TRMT9B: variants seen among roughly 807,000 people sequenced by gnomAD.
TRMT9B encodes the protein probable tRNA methyltransferase 9B.
Under a neutral mutation model 11.5 loss-of-function variants are expected in TRMT9B, and 16 were observed. That is an observed-to-expected ratio of 1.39 (90% CI 0.94 to 2.11). The LOEUF is 2.11. Ranked by LOEUF, TRMT9B falls within the 30% of genes most tolerant of loss-of-function variation. The pLI, the probability that TRMT9B is intolerant of heterozygous loss-of-function variation, is 0.00. For synonymous variants in TRMT9B, 274 were observed against 192.4 expected (o/e 1.42, Z -3.51); for missense variants, 941 against 553.8 (o/e 1.70, Z -7.02).
intron 1 of TRMT9B, among the ~76,000 whole-genome samples, chr8:12,978,777 C>G (rs1416929987): frequency 1.3e-5 from 2 of 152,198 alleles, no homozygotes; most frequent in African/African-American, 2.4e-5. Flanking sequence ...GACAGATGAG[C>G]AAGCTCCTAG....
At chr8:12,972,744 C>G (rs1445820395) in intron 1 of TRMT9B, among the ~76,000 whole-genome samples, 1 of 152,172 alleles carries the variant, frequency 6.6e-6, no homozygotes, top group Admixed American at 6.5e-5. Flanking sequence ...GTGACAATGA[C>G]TCTCATGTTC....
chr8:12,998,358 G>C (rs1304766023), intron 2 of TRMT9B, among the ~76,000 whole-genome samples: 5 of 152,196 alleles, frequency 3.3e-5, no homozygotes, highest in Non-Finnish European at 7.3e-5. Context: ...ATGATAGAAA[G>C]AGGTTTTAAT....
chr8:12,991,615 C>A (rs549385895), intron 2 of TRMT9B, among the ~76,000 whole-genome samples: 9 of 152,022 alleles, frequency 5.9e-5, no homozygotes, highest in Non-Finnish European at 1.2e-4. Flanking sequence ...AAAAAGTGAC[C>A]ATCGTATGCC....
At chr8:12,957,792 G>A (rs968589315) in intron 1 of TRMT9B, among the ~76,000 whole-genome samples, 1 of 152,154 alleles carries the variant, frequency 6.6e-6, no homozygotes, top group East Asian at 1.9e-4. Context: ...TTTGTATTTT[G>A]CATAGAATGA....
chr8:12,987,641 A>G (rs1521039), intron 1 of TRMT9B, among the ~76,000 whole-genome samples: 133,686 of 152,038 alleles, frequency 0.88, 58,895 homozygotes, highest in Middle Eastern at 0.9. Context: ...GCAGTGAGCT[A>G]CGATGGTGCC....
At chr8:13,019,948 T>C (rs779525109) in intron 4 of TRMT9B, among the ~76,000 whole-genome samples, 1 of 152,216 alleles carries the variant, frequency 6.6e-6, no homozygotes. Flanking sequence ...GTGCTGTTGA[T>C]AGGAATGAAA....
At chr8:12,981,586 T>C (rs1221687420) in intron 1 of TRMT9B, among the ~76,000 whole-genome samples, 1 of 151,704 alleles carries the variant, frequency 6.6e-6, no homozygotes, top group Admixed American at 6.6e-5. Context: ...TTCCTTTCTT[T>C]CTTTTATTTA....
intron 2 of TRMT9B, among the ~76,000 whole-genome samples, chr8:13,003,774 A>G (rs1809896887): frequency 6.6e-6 from 1 of 150,398 alleles, no homozygotes; most frequent in African/African-American, 2.4e-5. Context: ...GTGTGTCCCC[A>G]CTCCGCCACC....
At chr8:12,957,909 C>T (rs904227864) in intron 1 of TRMT9B, among the ~76,000 whole-genome samples, 2 of 152,272 alleles carry the variant, frequency 1.3e-5, no homozygotes, top group Middle Eastern at 6.8e-3. Context: ...TTTATCTTCT[C>T]AAAGTGAAAC....
At chr8:13,000,169 A>T (rs1361187974) in intron 2 of TRMT9B, among the ~76,000 whole-genome samples, 1 of 152,160 alleles carries the variant, frequency 6.6e-6, no homozygotes, top group Non-Finnish European at 1.5e-5. Flanking sequence ...AGGGATAGGG[A>T]ACTTGGAAAG....
intron 1 of TRMT9B, among the ~76,000 whole-genome samples, chr8:12,983,537 G>T (rs893290304): frequency 2.0e-5 from 3 of 152,152 alleles, no homozygotes; most frequent in Non-Finnish European, 4.4e-5. Flanking sequence ...GGGCGTTGTG[G>T]CAGGTGCCTG....
chr8:13,012,886 T>A lies in TRMT9B; in HGVS notation c.328+29T>A, dbSNP rs763708821. 1.9e-6 allele frequency: 3 copies of A among 1,607,526 alleles called. No homozygotes were observed. The African/African-American group carries it at 4.0e-5, about 21-fold the overall frequency. ...AGGCAGCCAGATCACACATTCACCC[T>A]TTGCCATGAGAATAATTGACCCGGT... On this transcript the variant is annotated intron_variant, in intron 4 of 4. Transcript: ENST00000524591.
At position 12,954,231 on chromosome 8, in the gene TRMT9B, G is replaced by A. The variant is rs1448114234; in HGVS notation, c.-200+8265G>A. Among the ~76,000 whole-genome samples the A allele has an allele frequency of 2.0e-5, 3 of 152,314 alleles. No individual in the cohort carries two copies. The East Asian group carries it at 5.8e-4, about 29-fold the overall frequency. On this transcript the variant is annotated intron_variant, in intron 1 of 4. Coordinates refer to ENST00000524591, the MANE Select transcript of TRMT9B (RefSeq NM_020844.3). ...AATCTTACTGGAGATTGCAGGGGTT[G>A]TAAAGAAGAGACCAGACCTTATAGT...
At chr8:12,990,219 G>C (rs1807094868) in intron 1 of TRMT9B, among the ~76,000 whole-genome samples, 1 of 152,166 alleles carries the variant, frequency 6.6e-6, no homozygotes, top group Non-Finnish European at 1.5e-5. Flanking sequence ...CAAGCAATTA[G>C]GGTCCAAGGT....
chr8:12,986,783 A>C (rs957116376), intron 1 of TRMT9B, among the ~76,000 whole-genome samples: 2 of 152,198 alleles, frequency 1.3e-5, no homozygotes, highest in African/African-American at 4.8e-5. Flanking sequence ...ATGAGTCACC[A>C]GGTCCTATTA....
intron 1 of TRMT9B, among the ~76,000 whole-genome samples, chr8:12,982,020 A>G (rs1187058618): frequency 6.6e-6 from 1 of 152,150 alleles, no homozygotes; most frequent in Non-Finnish European, 1.5e-5. Context: ...AAAATTGTCC[A>G]TTTGTCTGTG....
chr8:13,013,316 T>C (rs1812003530), intron 4 of TRMT9B, among the ~76,000 whole-genome samples: 1 of 152,200 alleles, frequency 6.6e-6, no homozygotes, highest in African/African-American at 2.4e-5. Context: ...TCACTGGTAC[T>C]CAAGTTCATG....
At chr8:12,962,152 T>C (rs1802204970) in intron 1 of TRMT9B, 1 of 152,436 alleles carries the variant, frequency 6.6e-6, no homozygotes. Flanking sequence ...CTCTTGGGGC[T>C]ATGCATTGAG....
intron 1 of TRMT9B, among the ~76,000 whole-genome samples, chr8:12,970,447 T>C (rs1408612514): frequency 6.6e-6 from 1 of 152,236 alleles, no homozygotes; most frequent in East Asian, 1.9e-4. Flanking sequence ...TGCTGCATGA[T>C]TCCAATCCAA....
Sources: allele counts gnomAD v4.1 joint callset (sites outside exome capture counted in the v4.1 genomes callset), GRCh38; gene constraint gnomAD v4.1.1; transcripts MANE v1.5; gene names NCBI Gene and HGNC (gene_info 2026-07-23, HGNC 2026-07-21).